Variants in SLC2A9 observed in about 807,000 individuals in gnomAD.
SLC2A9 encodes the protein solute carrier family 2, facilitated glucose transporter member 9.
In SLC2A9, 39 loss-of-function variants were observed where a neutral mutation model predicts 50.6. The observed-to-expected ratio is 0.77, with a 90% CI of 0.60 to 1.01. The LOEUF (loss-of-function observed/expected upper bound fraction) is 1.01. Among genes scored for constraint, SLC2A9 ranks in the 50% least tolerant of loss-of-function variants. The pLI is 0.00. For synonymous variants in SLC2A9, 324 were observed against 276.9 expected (o/e 1.17, Z -1.69); for missense variants, 686 against 677.6 (o/e 1.01, Z -0.14).
intron 5 of SLC2A9, among the ~76,000 whole-genome samples, chr4:9,954,780 C>G (rs6449154): frequency 9.9e-5 from 15 of 151,860 alleles, no homozygotes; most frequent in Non-Finnish European, 2.1e-4. Context: ...TCAGGCATTC[C>G]CCACCAGGAA....
At chr4:9,985,564 C>G in intron 4 of SLC2A9, 105 bp downstream of exon 4, 2 of 1,487,224 alleles carry the variant, frequency 1.3e-6, no homozygotes, top group Non-Finnish European at 1.8e-6. Context: ...CAAGTCAATG[C>G]CAGCAGAGAG....
intron 11 of SLC2A9, 126 bp downstream of exon 11, chr4:9,834,755 C>A: frequency 6.9e-7 from 1 of 1,459,594 alleles, no homozygotes; most frequent in Non-Finnish European, 9.4e-7. Flanking sequence ...TTTCTTCCTT[C>A]CTTAGGAAAA....
chr4:10,018,891 G>C (rs1490202045), intron 2 of SLC2A9, 84 bp downstream of exon 2: 3 of 1,352,070 alleles, frequency 2.2e-6, no homozygotes, highest in East Asian at 2.5e-5. Context: ...CAACAGGAGG[G>C]GGCGCTGGAG....
rs1408480913 is a variant in SLC2A9, at chr4:10,016,591, G to A, written c.249+2384C>T. On this transcript the variant is annotated intron_variant, in intron 2 of 11. Coordinates refer to ENST00000264784, the MANE Select transcript of SLC2A9 (RefSeq NM_020041.3). ...TCTCCTTTCCCGAAACGGAGGGAGG[G>A]CACGTTAAACTCTCTCTGTTTGGCT... 2.6e-5 allele frequency among the ~76,000 whole-genome samples: 4 copies of A among 151,894 alleles called. No individual in the cohort carries two copies. In the East Asian group the frequency reaches 5.8e-4, roughly 22 times the overall value.
At chr4:9,829,190 G>A (rs1377824337) in intron 11 of SLC2A9, among the ~76,000 whole-genome samples, 2 of 152,084 alleles carry the variant, frequency 1.3e-5, no homozygotes, top group Non-Finnish European at 2.9e-5. Context: ...GATCACTTGA[G>A]GTCAGAAGTT....
chr4:9,791,440 A>G (rs1231455894), intron 3 of SLC2A9, among the ~76,000 whole-genome samples: 1 of 152,222 alleles, frequency 6.6e-6, no homozygotes, highest in East Asian at 1.9e-4. Context: ...GTCATTCTCA[A>G]GAAGTCCCCA....
intron 5 of SLC2A9, among the ~76,000 whole-genome samples, chr4:9,973,051 G>C (rs1370365174): frequency 6.6e-6 from 1 of 152,052 alleles, no homozygotes; most frequent in African/African-American, 2.4e-5. Context: ...TAGACCACTA[G>C]CTAGATTAAA....
chr4:9,805,436 T>C (rs1227889136), intron 3 of SLC2A9, among the ~76,000 whole-genome samples: 5 of 152,314 alleles, frequency 3.3e-5, no homozygotes, highest in African/African-American at 7.2e-5. Context: ...AGGTGGCTCA[T>C]GCCTGTAATC....
At chr4:9,967,835 G>A (rs997281619) in intron 5 of SLC2A9, among the ~76,000 whole-genome samples, 2 of 151,898 alleles carry the variant, frequency 1.3e-5, no homozygotes, top group Non-Finnish European at 2.9e-5. Flanking sequence ...CAAAACAAAA[G>A]TTATAAGCAT....
At chr4:9,931,940 C>CTCTCAATCTCTCTCTCTCTCAA (rs1746061415) in intron 6 of SLC2A9, among the ~76,000 whole-genome samples, 5 of 58,204 alleles carry the variant, frequency 8.6e-5, no homozygotes, top group Admixed American at 2.1e-4. Context: ...CTCTCTCTCT[C>CTCTCAATCTCTCTCTCTCTCAA]TCTCTCTCTC....
At chr4:9,819,935 A>AAAC (rs1033080064) in intron 3 of SLC2A9, among the ~76,000 whole-genome samples, 2 of 152,218 alleles carry the variant, frequency 1.3e-5, no homozygotes, top group African/African-American at 2.4e-5. Context: ...CTCCGTCTCA[A>AAAC]AACAACAACA....
intron 3 of SLC2A9, among the ~76,000 whole-genome samples, chr4:9,802,382 C>T (rs1264811598): frequency 2.6e-5 from 4 of 151,812 alleles, no homozygotes; most frequent in African/African-American, 9.7e-5. Context: ...CAGGCTGGCC[C>T]CTGCAGCGCC....
At chr4:9,918,184 T>C (rs1383598287) in intron 7 of SLC2A9, among the ~76,000 whole-genome samples, 3 of 152,060 alleles carry the variant, frequency 2.0e-5, no homozygotes, top group Non-Finnish European at 4.4e-5. Flanking sequence ...ACATGTCATG[T>C]CCCCCAAATA....
intron 10 of SLC2A9, among the ~76,000 whole-genome samples, chr4:9,840,575 A>G (rs929013992): frequency 6.6e-6 from 1 of 152,186 alleles, no homozygotes; most frequent in Non-Finnish European, 1.5e-5. Flanking sequence ...CCTTCCACCT[A>G]GAGATGATCT....
At chr4:10,038,467 A>G (rs1037554229) in intron 1 of SLC2A9, among the ~76,000 whole-genome samples, 1 of 133,088 alleles carries the variant, frequency 7.5e-6, no homozygotes, top group African/African-American at 2.8e-5. Context: ...AGATAGCACC[A>G]CTGCACTCCA....
intron 10 of SLC2A9, among the ~76,000 whole-genome samples, chr4:9,862,648 A>G (rs1171834610): frequency 6.6e-6 from 1 of 151,790 alleles, no homozygotes; most frequent in Non-Finnish European, 1.5e-5. Flanking sequence ...CTTCCCCTAC[A>G]TCCTCACAGG....
At chr4:9,772,513 C>T (rs868174326) in intron 1 of SLC2A9, among the ~76,000 whole-genome samples, 10 of 152,176 alleles carry the variant, frequency 6.6e-5, no homozygotes, top group South Asian at 4.1e-4. Flanking sequence ...GTTGGGTGGC[C>T]GCATTGACCC....
intron 1 of SLC2A9, among the ~76,000 whole-genome samples, chr4:10,028,510 G>C (rs1418150316): frequency 6.6e-6 from 1 of 152,178 alleles, no homozygotes; most frequent in Non-Finnish European, 1.5e-5. Flanking sequence ...TCTGAGCTCA[G>C]CTTCCCTACC....
intron 5 of SLC2A9, among the ~76,000 whole-genome samples, chr4:9,943,200 G>C (rs984257009): frequency 3.9e-5 from 6 of 152,340 alleles, no homozygotes; most frequent in African/African-American, 1.4e-4. Flanking sequence ...CCCATGAAGG[G>C]AGAGCAGCAG....
Sources: allele counts gnomAD v4.1 joint callset (sites outside exome capture counted in the v4.1 genomes callset), GRCh38; gene constraint gnomAD v4.1.1; transcripts MANE v1.5; gene names NCBI Gene and HGNC (gene_info 2026-07-23, HGNC 2026-07-21).